PID1: variants seen among roughly 807,000 people sequenced by gnomAD.
PID1 encodes the protein phosphotyrosine interaction domain containing 1.
A neutral mutation model predicts 19.1 loss-of-function variants in PID1; 10 were observed. That is an observed-to-expected ratio of 0.52 (90% CI 0.32 to 0.89). The LOEUF is 0.89. Ranked by LOEUF, PID1 falls within the 40% of genes least tolerant of loss-of-function variation. PID1 has a pLI of 0.03. For synonymous variants in PID1, 130 were observed against 116.0 expected (o/e 1.12, Z -0.78); for missense variants, 248 against 285.3 (o/e 0.87, Z 0.94).
At chr2:229,263,556 C>A (rs1050423164) in intron 1 of PID1, among the ~76,000 whole-genome samples, 4 of 152,076 alleles carry the variant, frequency 2.6e-5, no homozygotes, top group Admixed American at 1.3e-4. Flanking sequence ...CACCCTCAGG[C>A]CAAGGTATGA....
At chr2:229,027,991 G>A (rs909493571) in intron 2 of PID1, among the ~76,000 whole-genome samples, 2 of 152,186 alleles carry the variant, frequency 1.3e-5, no homozygotes, top group East Asian at 1.9e-4. Context: ...AGGAAGAAAG[G>A]TGGATGGGGA....
At chr2:229,174,608 T>G (rs937857333) in intron 1 of PID1, among the ~76,000 whole-genome samples, 5 of 151,172 alleles carry the variant, frequency 3.3e-5, no homozygotes, top group African/African-American at 1.2e-4. Context: ...CCCCAACCCA[T>G]AAAATGTCAG....
Position 229,155,949 on chromosome 2 carries a change from G to C in PID1, c.46C>G (p.Leu16Val), listed in dbSNP as rs1384849517. The change falls in exon 2 of 3, where the codon CTG becomes GTG. Residue 16 changes from leucine (L) to valine (V), a missense_variant. Coordinates refer to ENST00000392055, the MANE Select transcript of PID1 (RefSeq NM_001100818.2). ...TERLQHFQTM[L>V]KSKLNVLTLK... ...GTTAAGACATTCAATTTAGACTTCA[G>C]CATGGTCTGAAAGTGCTGAAAAGCA... 6.2e-7 allele frequency: 1 copy of C among 1,613,778 alleles called. No homozygotes were observed.
intron 1 of PID1, among the ~76,000 whole-genome samples, chr2:229,253,756 C>T (rs192906083): frequency 2.2e-4 from 33 of 152,304 alleles, no homozygotes; most frequent in Admixed American, 1.8e-3. Flanking sequence ...CAGACATATG[C>T]TCTGCCCCAC....
In PID1 at chr2:229,192,010, T is replaced by C. The variant is rs1691270256; in HGVS notation, c.31-36046A>G. 3.3e-5 allele frequency among the ~76,000 whole-genome samples: 5 copies of C among 152,314 alleles called. No homozygotes were observed. The South Asian group carries it at 1.0e-3, about 32-fold the overall frequency. On this transcript the variant is annotated intron_variant, in intron 1 of 2. Transcript: ENST00000392055. The stretch of plus-strand genomic sequence containing the variant: ...TTCCTAATTTATTTTATTCCTTCCT[T>C]CCTTCCTTCTTTTTTAAGTGATAAT...
At chr2:229,171,101 C>T (rs892924279) in intron 1 of PID1, among the ~76,000 whole-genome samples, 1 of 152,178 alleles carries the variant, frequency 6.6e-6, no homozygotes, top group Non-Finnish European at 1.5e-5. Flanking sequence ...GTGAATACCC[C>T]GCTCATCGGA....
intron 1 of PID1, among the ~76,000 whole-genome samples, chr2:229,159,027 C>G (rs1190357214): frequency 6.6e-6 from 1 of 152,166 alleles, no homozygotes; most frequent in East Asian, 1.9e-4. Context: ...TTTGACAGCA[C>G]AGCAGGGTGA....
At chr2:229,170,299 G>A (rs1690685642) in intron 1 of PID1, among the ~76,000 whole-genome samples, 3 of 152,124 alleles carry the variant, frequency 2.0e-5, no homozygotes, top group African/African-American at 4.8e-5. Context: ...TTACAAGGAT[G>A]TTGTTATTTA....
chr2:229,039,356 C>T (rs575060572), intron 2 of PID1, among the ~76,000 whole-genome samples: 15 of 152,024 alleles, frequency 9.9e-5, no homozygotes, highest in African/African-American at 1.7e-4. Flanking sequence ...GGAAAAACAA[C>T]GATAAAATTT....
chr2:229,172,786 C>A (rs1462061264), intron 1 of PID1, among the ~76,000 whole-genome samples: 1 of 152,118 alleles, frequency 6.6e-6, no homozygotes, highest in Non-Finnish European at 1.5e-5. Context: ...GACAGGAGTG[C>A]AATGGCGTAA....
chr2:229,107,350 A>G (rs1695197649), intron 2 of PID1, among the ~76,000 whole-genome samples: 1 of 152,102 alleles, frequency 6.6e-6, no homozygotes, highest in African/African-American at 2.4e-5. Flanking sequence ...AGACTTCTTA[A>G]TCTCCAGGTA....
rs566721123 is a variant in PID1 at position 229,107,255 on chromosome 2, T to C, written c.177+48563A>G. ...CCAGAATGGAGAGAATAAGTTCCTG[T>C]TGTTTTAAGCCACCAAGTCTGTGCT... On this transcript the variant is annotated intron_variant, in intron 2 of 2. Transcript: ENST00000392055. Among the ~76,000 whole-genome samples, 14 of 152,250 alleles carry C rather than the reference T, an allele frequency of 9.2e-5. No homozygotes were observed. In the East Asian group the frequency reaches 2.7e-3, roughly 29 times the overall value.
At chr2:229,257,521 A>G (rs1267435683) in intron 1 of PID1, among the ~76,000 whole-genome samples, 1 of 152,174 alleles carries the variant, frequency 6.6e-6, no homozygotes, top group African/African-American at 2.4e-5. Flanking sequence ...CAGGATAACC[A>G]CACGTACAGG....
At chr2:229,092,924 C>A (rs975367885) in intron 2 of PID1, among the ~76,000 whole-genome samples, 1 of 152,238 alleles carries the variant, frequency 6.6e-6, no homozygotes, top group South Asian at 2.1e-4. Flanking sequence ...TGTTCACTCT[C>A]TTATAACCTG....
chr2:229,249,926 A>G (rs761288023), intron 1 of PID1, among the ~76,000 whole-genome samples: 1 of 152,186 alleles, frequency 6.6e-6, no homozygotes, highest in Non-Finnish European at 1.5e-5. Context: ...AAAACACACA[A>G]CTGTGGAAGA....
chr2:229,179,951 C>CA (rs1319928017), intron 1 of PID1, among the ~76,000 whole-genome samples: 3 of 152,180 alleles, frequency 2.0e-5, no homozygotes, highest in Admixed American at 2.0e-4. Context: ...CTGAGTCCCT[C>CA]ATTGGACATA....
rs185664607 is a variant in PID1, at chr2:229,044,514, T to A, written c.178-18406A>T. ...TTCCTATCTTAGAGACAGTTCCAAA[T>A]GTCCCTCCATTATTGCCAGCTCTCA... On this transcript the variant is annotated intron_variant, in intron 2 of 2. Transcript: ENST00000392055. Among the ~76,000 whole-genome samples the A allele has an allele frequency of 2.6e-3, 396 of 152,284 alleles. 2 individuals are homozygous for A. The highest frequency in any genetic ancestry group is 4.3e-3 in the Non-Finnish European group (293 of 68,028).
chr2:229,148,731 GAAGGA>G (rs1223649948), intron 2 of PID1, among the ~76,000 whole-genome samples: 2 of 151,644 alleles, frequency 1.3e-5, no homozygotes, highest in Admixed American at 6.6e-5. Flanking sequence ...AGGAAAAAAG[GAAGGA>G]AAGGAGGGAG....
intron 1 of PID1, among the ~76,000 whole-genome samples, chr2:229,259,573 G>C (rs964619887): frequency 1.3e-5 from 2 of 152,304 alleles, no homozygotes; most frequent in Admixed American, 1.3e-4. Flanking sequence ...TTAGATTTAT[G>C]ACCCATTTTG....
Sources: gnomAD v4.1 joint callset for allele counts (sites outside exome capture counted in the v4.1 genomes callset) on GRCh38, gnomAD v4.1.1 for gene constraint, MANE v1.5 for transcripts, NCBI Gene and HGNC (gene_info 2026-07-23, HGNC 2026-07-21) for gene names.